The following DTNA variants were observed in gnomAD, a reference collection of about 807,000 sequenced individuals.
DTNA encodes dystrobrevin alpha, also known as dystrophin-related protein 3.
Under a neutral mutation model 100.7 loss-of-function variants are expected in DTNA, and 43 were observed. The observed-to-expected ratio is 0.43, with a 90% CI of 0.33 to 0.55. The LOEUF (loss-of-function observed/expected upper bound fraction) is 0.55. Ranked by LOEUF, DTNA falls within the 20% of genes least tolerant of loss-of-function variation. The pLI, the probability that DTNA is intolerant of heterozygous loss-of-function variation, is 0.04. For synonymous variants in DTNA, 349 were observed against 347.9 expected, an observed-to-expected ratio of 1.00 and a Z score of -0.04; for missense variants, 798 against 953.9, an observed-to-expected ratio of 0.84 and a Z score of 2.15.
intron 1 of DTNA, among the ~76,000 whole-genome samples, chr18:34,522,326 A>G (rs1433947988): frequency 2.0e-5 from 3 of 152,246 alleles, no homozygotes; most frequent in Non-Finnish European, 4.4e-5. Flanking sequence ...GGCATGCTAT[A>G]TTGGGTCAAC....
At chr18:34,753,584 GTTTTAGCTGGGA>G (rs1191874785) in intron 1 of DTNA, among the ~76,000 whole-genome samples, 1 of 141,616 alleles carries the variant, frequency 7.1e-6, no homozygotes, top group Non-Finnish European at 1.5e-5. Flanking sequence ...GGGTTTCACC[GTTTTAGCTGGGA>G]TGGTCTCGAT....
intron 1 of DTNA, among the ~76,000 whole-genome samples, chr18:34,667,497 G>A (rs887093875): frequency 6.6e-6 from 1 of 152,164 alleles, no homozygotes; most frequent in South Asian, 2.1e-4. Flanking sequence ...TCCCTGTCTT[G>A]TGCCAGTTTT....
intron 1 of DTNA, among the ~76,000 whole-genome samples, chr18:34,580,153 A>G (rs1201326046): frequency 6.6e-6 from 1 of 151,822 alleles, no homozygotes. Context: ...TATTTTTATC[A>G]TTTCTGTTTT....
Position 34,826,178 on chromosome 18 carries a change from T to A in DTNA, c.1002-1415T>A, listed in dbSNP as rs543119551. On this transcript the variant is annotated intron_variant, in intron 9 of 22. Transcript: ENST00000444659. ...TCTTACAAAATCTCAGAGTATAGTT[T>A]AGCACCAGCTACCTTGAAAAAAGTT... is the stretch of plus-strand genomic sequence containing the variant. Among the ~76,000 whole-genome samples, 7 of 152,356 alleles carry A rather than the reference T, an allele frequency of 4.6e-5. No homozygotes were observed. The South Asian group carries it at 1.5e-3, about 32-fold the overall frequency.
At chr18:34,866,171 G>A (rs2096700876) in intron 17 of DTNA, 3 of 1,614,214 alleles carry the variant, frequency 1.9e-6, no homozygotes, top group Non-Finnish European at 2.5e-6. Flanking sequence ...ACTAACAGTG[G>A]AGGGGCCTGC....
Position 34,858,356 on chromosome 18 carries a change from C to T in DTNA, c.1604C>T (p.Ala535Val). The change falls in exon 16 of 23, where the codon GCA becomes GTA. Residue 535 changes from alanine (A) to valine (V), a missense_variant. Coordinates refer to ENST00000444659, the MANE Select transcript of DTNA (RefSeq NM_001386795.1). ...EQASQPTPEKAQQNPTLLAEL... is the reference protein window; with the variant it reads ...EQASQPTPEKVQQNPTLLAEL... The stretch of plus-strand genomic sequence containing the variant: ...GCTTCTCAGCCCACGCCAGAGAAGG[C>T]ACAGCAAAACCCCACCCTGCTGGCA... 6.2e-7 allele frequency: 1 copy of T among 1,614,110 alleles called. No individual in the cohort carries two copies. The highest frequency in any genetic ancestry group is 8.5e-7 in the Non-Finnish European group (1 of 1,180,030).
chr18:34,707,920 G>A (rs925030258), upstream of DTNA, among the ~76,000 whole-genome samples: 7 of 152,110 alleles, frequency 4.6e-5, 1 homozygote, highest in Admixed American at 2.6e-4. Context: ...TTTCAAGGTT[G>A]GAGCAGTGCC....
At chr18:34,725,409 AAAAC>A (rs1187914246) in intron 1 of DTNA, among the ~76,000 whole-genome samples, 2 of 151,782 alleles carry the variant, frequency 1.3e-5, no homozygotes, top group South Asian at 2.1e-4. Flanking sequence ...AGAAAAAAAA[AAAAC>A]AACCCCATCA....
intron 1 of DTNA, among the ~76,000 whole-genome samples, chr18:34,533,220 A>G (rs970754683): frequency 6.6e-6 from 1 of 151,936 alleles, no homozygotes; most frequent in Non-Finnish European, 1.5e-5. Flanking sequence ...AAAATAAAAA[A>G]AATTAGCTGG....
upstream of DTNA, among the ~76,000 whole-genome samples, chr18:34,707,855 C>T (rs1403792076): frequency 2.0e-5 from 3 of 152,080 alleles, no homozygotes; most frequent in Non-Finnish European, 4.4e-5. Flanking sequence ...TTTGCCTGGT[C>T]GGCCTCACAC....
intron 1 of DTNA, among the ~76,000 whole-genome samples, chr18:34,536,136 C>T (rs1052118095): frequency 2.0e-5 from 3 of 151,762 alleles, no homozygotes; most frequent in Non-Finnish European, 4.4e-5. Context: ...TTATAAGGAC[C>T]TTTCTCATTT....
At chr18:34,739,443 A>G (rs1280196480) in intron 1 of DTNA, among the ~76,000 whole-genome samples, 1 of 152,176 alleles carries the variant, frequency 6.6e-6, no homozygotes, top group Non-Finnish European at 1.5e-5. Context: ...CAGACTATTA[A>G]TGGACCTTGG....
intron 1 of DTNA, among the ~76,000 whole-genome samples, chr18:34,639,842 G>C (rs1217797842): frequency 6.6e-6 from 1 of 152,174 alleles, no homozygotes; most frequent in African/African-American, 2.4e-5. Flanking sequence ...TAGAAATGAA[G>C]AGGGACTGCA....
chr18:34,833,816 A>T (rs2096071390), intron 11 of DTNA, among the ~76,000 whole-genome samples: 1 of 152,220 alleles, frequency 6.6e-6, no homozygotes, highest in South Asian at 2.1e-4. Context: ...AATGCCAAAT[A>T]GTTCTCAGTT....
At chr18:34,740,810 A>G (rs570560497) in intron 1 of DTNA, among the ~76,000 whole-genome samples, 25 of 151,896 alleles carry the variant, frequency 1.6e-4, no homozygotes, top group Admixed American at 3.3e-4. Flanking sequence ...ACAGGAAAAA[A>G]AAAAAAGAAA....
intron 1 of DTNA, among the ~76,000 whole-genome samples, chr18:34,564,846 G>A (rs981845176): frequency 4.7e-4 from 72 of 152,168 alleles, no homozygotes; most frequent in African/African-American, 1.7e-3. Flanking sequence ...GAGTGTGGGC[G>A]TGAGTGCATG....
chr18:34,584,109 G>A (rs1433429793), intron 1 of DTNA, among the ~76,000 whole-genome samples: 2 of 152,192 alleles, frequency 1.3e-5, no homozygotes, highest in African/African-American at 2.4e-5. Context: ...CAGAACATTG[G>A]AGGGGGCACC....
intron 8 of DTNA, chr18:34,818,630 C>T: frequency 8.5e-7 from 1 of 1,183,078 alleles, no homozygotes; most frequent in Non-Finnish European, 1.1e-6. Context: ...CCTTCTGGAA[C>T]ATAATCTTAC....
At position 34,879,607 on chromosome 18, in the gene DTNA, G is replaced by A. The variant is rs1209855803; in HGVS notation, c.2050G>A (p.Glu684Lys). Residue 684 changes from glutamate to lysine, a missense_variant, in exon 20 of 23, where the codon GAG becomes AAG. Transcript: ENST00000444659. Reference sequence around the variant, plus strand: ...TTCTGAATTTGCACGGACTCAGTTTGAGGATCTTGTTCCCTCACCAACCTC... The same window carrying A: ...TTCTGAATTTGCACGGACTCAGTTTAAGGATCTTGTTCCCTCACCAACCTC... ...VDSEFARTQFEDLVPSPTSEK... is the reference protein window; with the variant it reads ...VDSEFARTQFKDLVPSPTSEK... 6.2e-7 allele frequency: 1 copy of A among 1,614,086 alleles called. No homozygotes were observed. Among genetic ancestry groups the A allele is most frequent in the Admixed American group, 1.7e-5 (1 of 60,006 alleles).
Sources: gnomAD v4.1 joint callset for allele counts (sites outside exome capture counted in the v4.1 genomes callset) on GRCh38, gnomAD v4.1.1 for gene constraint, MANE v1.5 for transcripts, NCBI Gene and HGNC (gene_info 2026-07-23, HGNC 2026-07-21) for gene names.